The following ADPRHL1 variants were observed in gnomAD, a reference collection of about 807,000 sequenced individuals.
ADPRHL1 encodes inactive ADP-ribosyltransferase ARH2.
In ADPRHL1, 43 loss-of-function variants were observed where a neutral mutation model predicts 44.1. The ratio of observed to expected loss-of-function variants is 0.98; its 90% CI spans 0.76 to 1.26. ADPRHL1 has a LOEUF of 1.26. Ranked by LOEUF, ADPRHL1 falls within the 50% of genes most tolerant of loss-of-function variation. The pLI is 0.00. For missense variants in ADPRHL1, 2,022 were observed against 2,496.9 expected, an observed-to-expected ratio of 0.81 and a Z score of 4.05; for synonymous variants, 878 against 1,017.4, an observed-to-expected ratio of 0.86 and a Z score of 2.61.
At chr13:113,448,074 T>C (rs1291583285) in intron 1 of ADPRHL1, among the ~76,000 whole-genome samples, 1 of 152,252 alleles carries the variant, frequency 6.6e-6, no homozygotes, top group Admixed American at 6.5e-5. Context: ...GGTTAGAATT[T>C]AAGCGAGAAA....
intron 1 of ADPRHL1, among the ~76,000 whole-genome samples, chr13:113,445,366 G>A (rs981110808): frequency 2.6e-5 from 4 of 152,276 alleles, no homozygotes; most frequent in African/African-American, 2.4e-5. Context: ...GTAACCCGCA[G>A]TGTGTGGATG....
At position 113,406,806 on chromosome 13, in the gene ADPRHL1, G is replaced by A. The variant is rs1272720382; in HGVS notation, c.2476C>T (p.Pro826Ser). The A allele has an allele frequency of 8.1e-7, 1 of 1,231,948 alleles. No individual in the cohort carries two copies. Among genetic ancestry groups the A allele is most frequent in the African/African-American group, 1.6e-5 (1 of 64,434 alleles). 76.3% of individuals were successfully genotyped at this position (1,231,948 alleles called of 1,614,324 possible). ...VPEHIPPLNA[P>S]SVQAARRTQP... is the part of the protein sequence containing the mutation. ...GTTCTCCGAGCAGCCTGGACCGATGGAGCGTTCAGGGGTGGGATGTGCTCC... is the reference window on the plus strand; with the variant it reads ...GTTCTCCGAGCAGCCTGGACCGATGAAGCGTTCAGGGGTGGGATGTGCTCC... The change falls in exon 8 of 8, where the codon CCA (proline) becomes TCA (serine). Residue 826 changes from proline (P) to serine (S), a missense_variant. By Grantham distance (74) the Pro-to-Ser change is moderately conservative (BLOSUM62 -1). This residue lies in a region of ADPRHL1 where 1,221 missense variants were observed against 1,517.8 expected (regional missense o/e 0.80). Coordinates refer to ENST00000612156, the MANE Select transcript of ADPRHL1 (RefSeq NM_001394807.1).
intron 7 of ADPRHL1, among the ~76,000 whole-genome samples, chr13:113,417,035 C>T (rs1458453980): frequency 2.6e-5 from 4 of 152,200 alleles, no homozygotes. Flanking sequence ...TAAAAGTGAA[C>T]CATTAAGATA....
At chr13:113,418,766 G>A (rs1185436242) in intron 7 of ADPRHL1, among the ~76,000 whole-genome samples, 1 of 152,050 alleles carries the variant, frequency 6.6e-6, no homozygotes, top group African/African-American at 2.4e-5. Flanking sequence ...GCTGAGAATG[G>A]GCATATTCTG....
chr13:113,440,156 C>T (rs1262623360), intron 2 of ADPRHL1, among the ~76,000 whole-genome samples: 2 of 152,168 alleles, frequency 1.3e-5, no homozygotes, highest in African/African-American at 2.4e-5. Flanking sequence ...GGTTTTAAAA[C>T]GTGAAAATGA....
chr13:113,407,917 G>C lies in ADPRHL1; in HGVS notation c.1365C>G (p.Ile455Met). 8.1e-7 allele frequency: 1 copy of C among 1,231,958 alleles called. No homozygotes were observed. The highest frequency in any genetic ancestry group is 1.0e-6 in the Non-Finnish European group (1 of 987,958). 76.3% of individuals were successfully genotyped at this position (1,231,958 alleles called of 1,614,324 possible). Residue 455 changes from isoleucine to methionine, a missense_variant, in exon 8 of 8, where the codon ATC becomes ATG. Physicochemically the swap from Ile to Met is conservative, Grantham distance 10. Transcript: ENST00000612156. ...CACCCGGCCCCTGCTTGTCCTTGGA[G>C]ATCAGCCGGCCCACCTCCCTGGTCC... The part of the protein sequence containing the change: ...LKRTREVGRL[I>M]SKDKQGPGGG...
chr13:113,429,527 G>A (rs867774137), intron 3 of ADPRHL1, among the ~76,000 whole-genome samples: 1 of 152,248 alleles, frequency 6.6e-6, no homozygotes, highest in African/African-American at 2.4e-5. Flanking sequence ...CGCATTCCGT[G>A]CGTGGACGAA....
At chr13:113,433,898 T>G in intron 2 of ADPRHL1, 31 bp from the exon 3 acceptor site, 1 of 1,506,294 alleles carries the variant, frequency 6.6e-7, no homozygotes, top group Non-Finnish European at 8.9e-7. Flanking sequence ...TAGTTTAGAC[T>G]TCTGCTCCAA....
chr13:113,407,999 C>T lies in ADPRHL1; in HGVS notation c.1283G>A (p.Arg428His), dbSNP rs561801286. 547 of 1,232,550 alleles carry T rather than the reference C, an allele frequency of 4.4e-4. 1 individual carries two copies. The highest frequency in any genetic ancestry group is 5.3e-4 in the Non-Finnish European group (522 of 988,532). The allele number at this position is 1,232,550 out of a possible 1,614,324, so 76.4% of individuals were successfully genotyped here. The change falls in exon 8 of 8, where the codon CGC becomes CAC. Residue 428 changes from arginine (R) to histidine (H), a missense_variant. Arg to His is a conservative substitution (Grantham distance 29, BLOSUM62 0). This residue lies in a region of ADPRHL1 where 1,221 missense variants were observed against 1,517.8 expected (regional missense o/e 0.80). Transcript: ENST00000612156. ...GAACTTGGCCTGCAGGAGCTGGAAG[C>T]GCGTGGGCCGCTGGGTGGCCTCCTG... is the stretch of plus-strand genomic sequence containing the variant. Reference protein sequence around the residue: ...QTQEATQRPTRFQLLQAKFLG... With the variant: ...QTQEATQRPTHFQLLQAKFLG...
intron 1 of ADPRHL1, among the ~76,000 whole-genome samples, chr13:113,451,875 G>C (rs1234366211): frequency 1.3e-5 from 2 of 152,204 alleles, no homozygotes; most frequent in Non-Finnish European, 2.9e-5. Flanking sequence ...TTCGTGTCCT[G>C]TTGGGCCGAT....
intron 2 of ADPRHL1, among the ~76,000 whole-genome samples, chr13:113,436,952 C>T (rs1207720844): frequency 1.3e-5 from 2 of 148,182 alleles, no homozygotes; most frequent in African/African-American, 2.5e-5. Flanking sequence ...GACCCAGCAC[C>T]CAGGTGTAGA....
In ADPRHL1 at chr13:113,441,222, GACA is replaced by G. The variant is rs1289901955; in HGVS notation, c.379+3200_379+3202del. On this transcript the variant is annotated intron_variant, in intron 2 of 7. Coordinates refer to ENST00000612156, the MANE Select transcript of ADPRHL1 (RefSeq NM_001394807.1). The surrounding 1 kb of genome is among the most constrained non-coding windows in gnomAD (Gnocchi z 6.0). ...TGGGACCTGCTTCTTTATCTAATGT[GACA>G]ACTTCTGACTGTTATTGGGGGTCTT... Among the ~76,000 whole-genome samples the G allele has an allele frequency of 6.6e-6, 1 of 152,170 alleles. No homozygotes were observed. Among genetic ancestry groups the G allele is most frequent in the African/African-American group, 2.4e-5 (1 of 41,434 alleles).
intron 3 of ADPRHL1, among the ~76,000 whole-genome samples, chr13:113,430,534 G>A (rs1349894781): frequency 1.3e-5 from 2 of 152,170 alleles, no homozygotes; most frequent in African/African-American, 2.4e-5. Flanking sequence ...GGTGGTACTC[G>A]TGACGGTCAG....
At position 113,403,152 on chromosome 13, in the gene ADPRHL1, C is replaced by A; in HGVS notation, c.*226G>T. ...AGGGCCTGGTGAGGCCACAGGCCCG[C>A]ACCTCCCACCCCCATGGCCTCGTGG... On this transcript the variant is annotated 3_prime_UTR_variant, in exon 8 of 8. Transcript: ENST00000612156. 2.7e-6 allele frequency: 1 copy of A among 374,450 alleles called. No homozygotes were observed. Among genetic ancestry groups the A allele is most frequent in the Non-Finnish European group, 4.7e-6 (1 of 213,626 alleles). 23.2% of individuals were successfully genotyped at this position (374,450 alleles called of 1,614,324 possible). A position where few individuals can be genotyped will look rare whatever the true frequency, so the allele number is the denominator to read the frequency against.
rs2043796983 is a variant in ADPRHL1, at chr13:113,405,075, C to G, written c.4207G>C (p.Gly1403Arg). ...GCTGGGTTCAGCACAACCTTCGAGC[C>G]CGACGGCGCCACCCTCTTCCCCGCA... ...GDAGKRVAPS[G>R]SKVVLNPAKE... The change falls in exon 8 of 8, where the codon GGC becomes CGC. Residue 1403 changes from glycine (G) to arginine (R), a missense_variant. Around this residue, in one of 8 missense-constraint regions of ADPRHL1, gnomAD observed 1,221 missense variants for 1,517.8 expected, o/e 0.80. Transcript: ENST00000612156. The G allele has an allele frequency of 8.1e-7, 1 of 1,232,076 alleles. No homozygotes were observed. Among genetic ancestry groups the G allele is most frequent in the African/African-American group, 1.6e-5 (1 of 64,442 alleles). The allele number at this position is 1,232,076 out of a possible 1,614,324, so 76.3% of individuals were successfully genotyped here.
chr13:113,421,735 T>C (rs2043925086), intron 7 of ADPRHL1, among the ~76,000 whole-genome samples: 1 of 152,164 alleles, frequency 6.6e-6, no homozygotes. Flanking sequence ...CCCTTTCAAA[T>C]CATCCCATAG....
In ADPRHL1 at chr13:113,425,232, C is replaced by G. The variant is rs200726628; in HGVS notation, c.647-53G>C. 12 of 126,150 alleles carry G rather than the reference C, an allele frequency of 9.5e-5. No homozygotes were observed. In the East Asian group the frequency reaches 1.0e-3, roughly 11 times the overall value. 7.8% of individuals were successfully genotyped at this position (126,150 alleles called of 1,614,324 possible). On this transcript the variant is annotated intron_variant, in intron 4 of 7. Coordinates refer to ENST00000612156, the MANE Select transcript of ADPRHL1 (RefSeq NM_001394807.1). ...ACACAATGGCATCCATGGAGTGGGG[C>G]GGGTGCAGGGAGTTGGGGGTGGGGA...
chr13:113,428,915 GCT>G, intron 4 of ADPRHL1, 35 bp downstream of exon 4: 2 of 1,610,150 alleles, frequency 1.2e-6, no homozygotes, highest in Non-Finnish European at 1.7e-6. Flanking sequence ...GTCCAGATCT[GCT>G]CTGAGTGCGG....
chr13:113,440,341 G>C (rs2044088447), intron 2 of ADPRHL1, among the ~76,000 whole-genome samples: 1 of 152,130 alleles, frequency 6.6e-6, no homozygotes, highest in Non-Finnish European at 1.5e-5. Context: ...TTACTAGGAT[G>C]AAATTACCTT....
Sources: allele counts gnomAD v4.1 joint callset (sites outside exome capture counted in the v4.1 genomes callset), GRCh38; gene constraint gnomAD v4.1.1; regional missense constraint gnomAD v4.1.1; non-coding constraint Gnocchi (gnomAD v3.1); transcripts MANE v1.5; gene names NCBI Gene and HGNC (gene_info 2026-07-23, HGNC 2026-07-21).